Variants in EGF observed in about 807,000 individuals in gnomAD.
The protein encoded by EGF is epidermal growth factor, also known as pro-epidermal growth factor.
EGF carries 95 observed loss-of-function variants against 143.8 expected under a neutral mutation model. The ratio of observed to expected loss-of-function variants is 0.66; its 90% CI spans 0.56 to 0.78. The LOEUF is 0.78. EGF is among the 30% of genes least tolerant of loss of function. The pLI is 0.00. For missense variants in EGF, 1,320 were observed against 1,470.9 expected, an observed-to-expected ratio of 0.90 and a Z score of 1.68; for synonymous variants, 510 against 510.5, an observed-to-expected ratio of 1.00 and a Z score of 0.01.
At chr4:109,987,203 T>A (rs2126132853) in intron 16 of EGF, among the ~76,000 whole-genome samples, 1 of 152,322 alleles carries the variant, frequency 6.6e-6, no homozygotes, top group East Asian at 1.9e-4. Flanking sequence ...ATAAATAAGT[T>A]CATATAGGGT....
At chr4:109,977,821 C>A (rs529207460) in intron 13 of EGF, among the ~76,000 whole-genome samples, 1 of 152,040 alleles carries the variant, frequency 6.6e-6, no homozygotes, top group Admixed American at 6.5e-5. Context: ...GCCTGGGTGA[C>A]GGAGTGAAAC....
chr4:109,917,265 G>A (rs999340774), intron 1 of EGF, among the ~76,000 whole-genome samples: 11 of 152,078 alleles, frequency 7.2e-5, no homozygotes, highest in African/African-American at 2.2e-4. Flanking sequence ...TTACATTTTG[G>A]GGCTAATTTG....
intron 7 of EGF, 83 bp downstream of exon 7, chr4:109,961,072 G>T: frequency 6.7e-7 from 1 of 1,501,468 alleles, no homozygotes; most frequent in Non-Finnish European, 9.2e-7. Flanking sequence ...CTGGGTTGGT[G>T]ATCTTCAATC....
In EGF at chr4:110,011,536, T is replaced by G; in HGVS notation, c.*81T>G. 1 of 1,603,386 alleles carries G rather than the reference T, an allele frequency of 6.2e-7. No individual in the cohort carries two copies. Among genetic ancestry groups the G allele is most frequent in the African/African-American group, 1.3e-5 (1 of 74,818 alleles). ...TTTTCTTTCAAAAGTAGAGCAAAAC[T>G]ATAGGTTTTGGTTCCACAATCTCTA... On this transcript the variant is annotated 3_prime_UTR_variant, in exon 24 of 24. Transcript: ENST00000265171.
intron 6 of EGF, 131 bp from the exon 7 acceptor site, chr4:109,960,736 A>G (rs1745550755): frequency 9.7e-7 from 1 of 1,033,100 alleles, no homozygotes; most frequent in Non-Finnish European, 1.4e-6. Flanking sequence ...AGTATGGAAA[A>G]CAGACTTTCC....
In EGF at chr4:109,921,809, C is replaced by G. The variant is rs1024204555; in HGVS notation, c.127+8347C>G. Among the ~76,000 whole-genome samples the G allele has an allele frequency of 6.6e-5, 10 of 151,582 alleles. 1 individual carries two copies. Among genetic ancestry groups the G allele is most frequent in the African/African-American group, 2.4e-4 (10 of 40,854 alleles). ...TTATTTCATTCACTCCAACACTTTT[C>G]TGGTTAAAATTTTAAAAGCTTGAAG... On this transcript the variant is annotated intron_variant, in intron 1 of 23. Transcript: ENST00000265171.
intron 1 of EGF, among the ~76,000 whole-genome samples, chr4:109,932,955 T>C (rs542159228): frequency 6.6e-5 from 10 of 152,338 alleles, no homozygotes; most frequent in Non-Finnish European, 1.2e-4. Context: ...AGACAAGTTA[T>C]ACCAATGTTC....
In EGF at chr4:109,998,601, C is replaced by T. The variant is rs533430531; in HGVS notation, c.3006-1078C>T. On this transcript the variant is annotated intron_variant, in intron 20 of 23. Transcript: ENST00000265171. ...CACAAGATGGTTAACAAGTACTAAT[C>T]CATTTCCCTCCTTCCTCTGTGAGTG... Among the ~76,000 whole-genome samples, 15 of 152,332 alleles carry T rather than the reference C, an allele frequency of 9.8e-5. No homozygotes were observed. In the East Asian group the frequency reaches 2.9e-3, roughly 29 times the overall value.
At chr4:109,986,017 T>A (rs924055557) in intron 16 of EGF, among the ~76,000 whole-genome samples, 6 of 152,182 alleles carry the variant, frequency 3.9e-5, no homozygotes, top group African/African-American at 1.4e-4. Context: ...AAGGTCACTT[T>A]TTATTCTAGT....
At chr4:109,945,566 G>T (rs1315022171) in intron 5 of EGF, among the ~76,000 whole-genome samples, 1 of 151,856 alleles carries the variant, frequency 6.6e-6, no homozygotes, top group Non-Finnish European at 1.5e-5. Flanking sequence ...ACAAGGCTCG[G>T]TCTCTACAAA....
In EGF at chr4:109,987,772, C is replaced by A; in HGVS notation, c.2520C>A (p.Cys840Ter). The change falls in exon 17 of 24, where the codon TGC (cysteine) becomes TGA (stop). Residue 840 changes from cysteine to a stop codon, truncating the protein, a stop_gained. Coordinates refer to ENST00000265171, the MANE Select transcript of EGF (RefSeq NM_001963.6). LOFTEE classifies it high-confidence loss of function. Reference protein sequence around the residue: ...SDQDDCAPVGCSMYARCISEG... With the variant: ...SDQDDCAPVG Reference sequence around the variant, plus strand: ...AAGATGACTGTGCTCCTGTGGGATGCAGCATGTATGCTCGGTGTATTTCAG... The same window carrying A: ...AAGATGACTGTGCTCCTGTGGGATGAAGCATGTATGCTCGGTGTATTTCAG... 6.2e-7 allele frequency: 1 copy of A among 1,613,802 alleles called. No homozygotes were observed. The highest frequency in any genetic ancestry group is 1.1e-5 in the South Asian group (1 of 91,068).
At chr4:109,963,324 G>C (rs1223933444) in intron 9 of EGF, 26 bp downstream of exon 9, 1 of 1,613,496 alleles carries the variant, frequency 6.2e-7, no homozygotes, top group Admixed American at 1.7e-5. Context: ...GTCTGGAACT[G>C]TGTCCCTGAA....
At position 109,949,265 on chromosome 4, in the gene EGF, C is replaced by T. The variant is rs374972654; in HGVS notation, c.940+3990C>T. ...TATTTTTAGTAGAGACAGGGTTTCC[C>T]GATATTGGCCAGGCTGGTCTTAAAC... On this transcript the variant is annotated intron_variant, in intron 5 of 23. Transcript: ENST00000265171. Among the ~76,000 whole-genome samples the T allele has an allele frequency of 1.6e-4, 24 of 152,100 alleles. No homozygotes were observed. The South Asian group carries it at 1.7e-3, about 11-fold the overall frequency.
intron 1 of EGF, among the ~76,000 whole-genome samples, chr4:109,921,219 G>A (rs1737734228): frequency 6.6e-6 from 1 of 150,386 alleles, no homozygotes; most frequent in Admixed American, 6.6e-5. Context: ...ATCTTCCAGA[G>A]CTTTCTTCTC....
At position 109,980,965 on chromosome 4, in the gene EGF, G is replaced by C. The variant is rs746546394; in HGVS notation, c.2361G>C (p.Gln787His). 3 of 1,614,092 alleles carry C rather than the reference G, an allele frequency of 1.9e-6. No homozygotes were observed. Among genetic ancestry groups the C allele is most frequent in the Non-Finnish European group, 2.5e-6 (3 of 1,179,966 alleles). Residue 787 changes from glutamine to histidine, a missense_variant, in exon 15 of 24, where the codon CAG becomes CAC. This residue lies in a region of EGF where 1,186 missense variants were observed against 1,313.7 expected (regional missense o/e 0.90). Transcript: ENST00000265171. The part of the protein sequence containing the change: ...GKTCLALDGH[Q>H]LLAGGEVDLK... ...CGTGTCTGGCTCTGGATGGTCATCA[G>C]CTGTTGGCAGGTAATATAATAAATT...
chr4:110,002,657 G>GTT (rs374290960), intron 21 of EGF, among the ~76,000 whole-genome samples: 1 of 151,168 alleles, frequency 6.6e-6, no homozygotes, highest in South Asian at 2.1e-4. Context: ...TTTTTTGTGG[G>GTT]TTTTTTTTTA....
chr4:109,943,273 A>C lies in EGF; in HGVS notation c.347A>C (p.Lys116Thr). 1 of 1,607,082 alleles carries C rather than the reference A, an allele frequency of 6.2e-7. No individual in the cohort carries two copies. Among genetic ancestry groups the C allele is most frequent in the South Asian group, 1.1e-5 (1 of 89,444 alleles). Residue 116 changes from lysine (K) to threonine (T), a missense_variant, in exon 3 of 24, where the codon AAA becomes ACA. Transcript: ENST00000265171. ...SRQERVCNIE[K>T]NVSGMAINWI... ...TTGCAGAGAGTATGTAATATAGAGA[A>C]AAATGTTTCTGGAATGGCAATAAAT...
At position 110,011,548 on chromosome 4, in the gene EGF, T is replaced by C; in HGVS notation, c.*93T>C. On this transcript the variant is annotated 3_prime_UTR_variant, in exon 24 of 24. Transcript: ENST00000265171. The stretch of plus-strand genomic sequence containing the variant: ...AGTAGAGCAAAACTATAGGTTTTGG[T>C]TCCACAATCTCTACGACTAATCACC... The C allele has an allele frequency of 6.3e-7, 1 of 1,591,576 alleles. No individual in the cohort carries two copies. Among genetic ancestry groups the C allele is most frequent in the Non-Finnish European group, 8.6e-7 (1 of 1,166,310 alleles).
At chr4:109,935,489 T>C (rs1013225423) in intron 1 of EGF, among the ~76,000 whole-genome samples, 5 of 152,226 alleles carry the variant, frequency 3.3e-5, no homozygotes, top group African/African-American at 1.2e-4. Context: ...TACAATCATG[T>C]CATCTGCAAA....
Sources: allele counts gnomAD v4.1 joint callset (sites outside exome capture counted in the v4.1 genomes callset), GRCh38; gene constraint gnomAD v4.1.1; regional missense constraint gnomAD v4.1.1; transcripts MANE v1.5; gene names NCBI Gene and HGNC (gene_info 2026-07-23, HGNC 2026-07-21).